The following LARGE1 variants were observed in gnomAD, a reference collection of about 807,000 sequenced individuals.
LARGE1 encodes xylosyl- and glucuronyltransferase LARGE1.
In LARGE1, 43 loss-of-function variants were observed where a neutral mutation model predicts 87.6. That is an observed-to-expected ratio of 0.49 (90% confidence interval 0.38 to 0.63). LARGE1 has a LOEUF of 0.63. Among genes scored for constraint, LARGE1 ranks in the 30% least tolerant of loss-of-function variants. The probability of loss-of-function intolerance (pLI) is 0.00; values close to 1 mark genes in which losing one functional copy is unlikely to be tolerated. For synonymous variants in LARGE1, 434 were observed against 394.6 expected, an observed-to-expected ratio of 1.10 and a Z score of -1.18; for missense variants, 802 against 1,000.2, an observed-to-expected ratio of 0.80 and a Z score of 2.67.
At chr22:33,344,382 GAT>G (rs1939503873) in intron 9 of LARGE1, among the ~76,000 whole-genome samples, 1 of 102,774 alleles carries the variant, frequency 9.7e-6, no homozygotes, top group Admixed American at 1.2e-4. Flanking sequence ...TTACAACTTA[GAT>G]AGAGAGGAAG....
At chr22:33,669,374 C>T (rs2081347776) in intron 2 of LARGE1, among the ~76,000 whole-genome samples, 1 of 152,190 alleles carries the variant, frequency 6.6e-6, no homozygotes, top group South Asian at 2.1e-4. Context: ...ATTCATGCAC[C>T]ATGCTCTTCA....
intron 6 of LARGE1, among the ~76,000 whole-genome samples, chr22:33,477,880 C>A (rs867390821): frequency 6.6e-6 from 1 of 152,162 alleles, no homozygotes; most frequent in South Asian, 2.1e-4. Context: ...CTAAAATACT[C>A]ACCCTCTGCT....
chr22:33,722,317 AGAGGGAGAG>A (rs1316573313), intron 2 of LARGE1, among the ~76,000 whole-genome samples: 1 of 124,968 alleles, frequency 8.0e-6, no homozygotes, highest in Non-Finnish European at 1.7e-5. Flanking sequence ...GAGAGGAGGG[AGAGGGAGAG>A]GAGGGAGAGG....
intron 1 of LARGE1, among the ~76,000 whole-genome samples, chr22:33,778,552 T>C (rs774027092): frequency 2.0e-5 from 3 of 152,212 alleles, no homozygotes; most frequent in Non-Finnish European, 2.9e-5. Flanking sequence ...GTATATTCCA[T>C]GTATGTGGGA....
At chr22:33,115,479 G>A in the LARGE1 span, among the ~76,000 whole-genome samples, 1 of 151,444 alleles carries the variant, frequency 6.6e-6, no homozygotes, top group Non-Finnish European at 1.5e-5. Context: ...AATCTACAAG[G>A]CCATGAAGGA....
rs370937792 is a variant in LARGE1, at chr22:33,473,315, C to G, written c.788-41050G>C. ...TCCCAAGTAGCTGGGATTAAAGGCACCCACCACCATGCCCGGGTAGTTCTT... is the reference window on the plus strand; with the variant it reads ...TCCCAAGTAGCTGGGATTAAAGGCAGCCACCACCATGCCCGGGTAGTTCTT... On this transcript the variant is annotated intron_variant, in intron 6 of 14. Coordinates refer to ENST00000397394, the MANE Select transcript of LARGE1 (RefSeq NM_133642.5). Among the ~76,000 whole-genome samples, 485 of 152,136 alleles carry G rather than the reference C, an allele frequency of 3.2e-3. 3 individuals carry two copies. Among genetic ancestry groups the G allele is most frequent in the South Asian group, 0.021 (102 of 4,808 alleles).
intron 1 of LARGE1, among the ~76,000 whole-genome samples, chr22:33,813,658 A>T (rs1239934247): frequency 6.6e-6 from 1 of 152,174 alleles, no homozygotes; most frequent in Non-Finnish European, 1.5e-5. Context: ...AGGATGTTCC[A>T]TCTTTTCTGC....
upstream of LARGE1, among the ~76,000 whole-genome samples, chr22:33,921,707 CTGA>C (rs2065954021): frequency 2.0e-5 from 3 of 152,100 alleles, no homozygotes; most frequent in Admixed American, 2.0e-4. This position sits in a 1 kb window ranked among gnomAD's most constrained non-coding sequence, Gnocchi z 4.1. Context: ...CCCTCCCCTG[CTGA>C]TTTTATTCTC....
At chr22:33,216,597 C>CAAAAAAA (rs71673655) in intron 11 of LARGE1, among the ~76,000 whole-genome samples, 1 of 122,580 alleles carries the variant, frequency 8.2e-6, no homozygotes, top group African/African-American at 3.1e-5. Flanking sequence ...CACTCCATCT[C>CAAAAAAA]AAAAAAAAAA....
rs775007419 is a variant in LARGE1, at chr22:33,384,259, T to C, written c.938A>G (p.Glu313Gly). The C allele has an allele frequency of 1.9e-6, 3 of 1,613,924 alleles. No individual in the cohort carries two copies. The highest frequency in any genetic ancestry group is 1.7e-5 in the Admixed American group (1 of 59,994). The change falls in exon 8 of 15, where the codon GAG becomes GGG. Residue 313 changes from glutamate to glycine, a missense_variant. Around this residue, in one of 2 missense-constraint regions of LARGE1, gnomAD observed 625 missense variants for 841.9 expected, o/e 0.74. Transcript: ENST00000397394. ...LLDKLRKMKW[E>G]QMWRLTAERE... Reference sequence around the variant, plus strand: ...CTCTGCGGTCAGCCTCCACATCTGCTCCCATTTCATCTTCCGCAGCTTATC... The same window carrying C: ...CTCTGCGGTCAGCCTCCACATCTGCCCCCATTTCATCTTCCGCAGCTTATC...
intron 6 of LARGE1, among the ~76,000 whole-genome samples, chr22:33,455,149 G>C (rs2068081927): frequency 6.6e-6 from 1 of 152,234 alleles, no homozygotes; most frequent in South Asian, 2.1e-4. Context: ...ATAAGGGAGG[G>C]AATGGATGGC....
chr22:33,765,541 T>C (rs1488428192), intron 1 of LARGE1, among the ~76,000 whole-genome samples: 1 of 151,588 alleles, frequency 6.6e-6, no homozygotes, highest in Admixed American at 6.6e-5. Flanking sequence ...CGGTCTCTAC[T>C]AAAAATACAA....
intron 2 of LARGE1, among the ~76,000 whole-genome samples, chr22:33,687,158 T>G (rs544045284): frequency 4.0e-4 from 60 of 151,760 alleles, no homozygotes; most frequent in African/African-American, 1.3e-3. Flanking sequence ...TCTTCCTTTT[T>G]TTTTTTTTTT....
intron 6 of LARGE1, among the ~76,000 whole-genome samples, chr22:33,547,382 G>A (rs565509693): frequency 2.2e-4 from 33 of 152,282 alleles, no homozygotes; most frequent in Non-Finnish European, 4.4e-4. Context: ...TCTAATCCCA[G>A]CGCTGATCTG....
chr22:33,268,213 C>T (rs895302740), downstream of LARGE1, among the ~76,000 whole-genome samples: 5 of 151,372 alleles, frequency 3.3e-5, no homozygotes, highest in African/African-American at 1.2e-4. Context: ...CTCAGCCTCC[C>T]AAAGTGCTGG....
chr22:33,912,407 G>A (rs780539059), intron 1 of LARGE1, among the ~76,000 whole-genome samples: 1 of 152,166 alleles, frequency 6.6e-6, no homozygotes, highest in Non-Finnish European at 1.5e-5. Context: ...AGATGCCCAC[G>A]TTCTGCTGTA....
intron 6 of LARGE1, among the ~76,000 whole-genome samples, chr22:33,514,185 T>C (rs911493555): frequency 6.6e-6 from 1 of 152,152 alleles, no homozygotes; most frequent in Non-Finnish European, 1.5e-5. Context: ...AGACTGCATA[T>C]ATGTTTATGT....
chr22:33,454,601 G>A (rs2068057377), intron 6 of LARGE1, among the ~76,000 whole-genome samples: 1 of 141,072 alleles, frequency 7.1e-6, no homozygotes, highest in Non-Finnish European at 1.5e-5. Context: ...CCTGGTGACA[G>A]AGCAAGACTC....
chr22:33,363,377 G>T lies in LARGE1; in HGVS notation c.1131+18542C>A, dbSNP rs934028264. On this transcript the variant is annotated intron_variant, in intron 9 of 14. Coordinates refer to ENST00000397394, the MANE Select transcript of LARGE1 (RefSeq NM_133642.5). ...ATCATGGTGGAAGGTGAAAGGCATGGCTTACATTGGCAACAGGCAAGAGAA... is the reference window on the plus strand; with the variant it reads ...ATCATGGTGGAAGGTGAAAGGCATGTCTTACATTGGCAACAGGCAAGAGAA... Among the ~76,000 whole-genome samples the T allele has an allele frequency of 5.3e-5, 8 of 150,008 alleles. 2 individuals carry two copies. The highest frequency in any genetic ancestry group is 1.0e-4 in the Non-Finnish European group (7 of 67,216).
Sources: gnomAD v4.1 joint callset for allele counts (sites outside exome capture counted in the v4.1 genomes callset) on GRCh38, gnomAD v4.1.1 for gene constraint, gnomAD v4.1.1 regional missense constraint, Gnocchi (gnomAD v3.1) non-coding constraint, MANE v1.5 for transcripts, NCBI Gene and HGNC (gene_info 2026-07-23, HGNC 2026-07-21) for gene names.